SORCS3: variants seen among roughly 807,000 people sequenced by gnomAD.
The protein encoded by SORCS3 is sortilin related VPS10 domain containing receptor 3, also known as VPS10 domain-containing receptor SorCS3.
In SORCS3, 57 loss-of-function variants were observed where a neutral mutation model predicts 146.3. The observed-to-expected ratio is 0.39, with a 90% CI of 0.31 to 0.49. The LOEUF (loss-of-function observed/expected upper bound fraction) is 0.49, where lower values mean the gene tolerates loss of function less well. Among genes scored for constraint, SORCS3 ranks in the 20% least tolerant of loss-of-function variants. The pLI is 0.92. For missense variants in SORCS3, 1,341 were observed against 1,575.5 expected (o/e 0.85, Z 2.52); for synonymous variants, 653 against 618.5 (o/e 1.06, Z -0.83).
intron 9 of SORCS3, among the ~76,000 whole-genome samples, chr10:105,156,014 A>T (rs2056205552): frequency 6.6e-6 from 1 of 152,240 alleles, no homozygotes; most frequent in Non-Finnish European, 1.5e-5. Flanking sequence ...CAAAAAAATA[A>T]GCTCACTTCT....
rs372045954 is a variant in SORCS3, at chr10:104,717,012, A to G, written c.627+75058A>G. ...AGCCTTGAAAATGGCAGCATGGGCC[A>G]GGCACAGTGGCTCATGCCTGTAATT... On this transcript the variant is annotated intron_variant, in intron 1 of 26. Transcript: ENST00000369701. Among the ~76,000 whole-genome samples the G allele has an allele frequency of 7.2e-5, 11 of 152,236 alleles. No homozygotes were observed. In the East Asian group the frequency reaches 1.2e-3, roughly 16 times the overall value.
intron 2 of SORCS3, among the ~76,000 whole-genome samples, chr10:104,864,103 T>C: frequency 6.6e-6 from 1 of 152,198 alleles, no homozygotes; most frequent in Non-Finnish European, 1.5e-5. Context: ...TTAAACCTCC[T>C]GATGGCAAGA....
At chr10:104,724,964 C>T (rs2016605992) in intron 1 of SORCS3, among the ~76,000 whole-genome samples, 1 of 152,222 alleles carries the variant, frequency 6.6e-6, no homozygotes, top group Non-Finnish European at 1.5e-5. Context: ...CTGAAGCCTT[C>T]TTCTCTCAAC....
intron 4 of SORCS3, among the ~76,000 whole-genome samples, chr10:105,029,681 A>G (rs181115712): frequency 8.3e-4 from 126 of 152,134 alleles, no homozygotes; most frequent in African/African-American, 2.9e-3. Flanking sequence ...AGGCCAAGGT[A>G]CTCTTCTTTA....
At chr10:104,710,727 C>T (rs1199545080) in intron 1 of SORCS3, among the ~76,000 whole-genome samples, 1 of 151,590 alleles carries the variant, frequency 6.6e-6, no homozygotes, top group Non-Finnish European at 1.5e-5. Flanking sequence ...TGTAGTTGTC[C>T]ATTCTTGTGG....
At chr10:105,240,080 T>A (rs897541863) in intron 20 of SORCS3, among the ~76,000 whole-genome samples, 1 of 152,170 alleles carries the variant, frequency 6.6e-6, no homozygotes, top group East Asian at 1.9e-4. Flanking sequence ...GCACATACTC[T>A]CTTACTTCAG....
At chr10:104,679,825 C>T (rs368708600) in intron 1 of SORCS3, among the ~76,000 whole-genome samples, 2 of 152,214 alleles carry the variant, frequency 1.3e-5, no homozygotes, top group East Asian at 1.9e-4. Context: ...TTTTATATAG[C>T]CCACAGTGAT....
intron 4 of SORCS3, among the ~76,000 whole-genome samples, chr10:105,038,385 G>A (rs1419021144): frequency 6.6e-6 from 1 of 152,190 alleles, no homozygotes; most frequent in Non-Finnish European, 1.5e-5. Flanking sequence ...AACACTAACT[G>A]TGATAATTTC....
At chr10:105,217,262 C>T in intron 19 of SORCS3, 140 bp downstream of exon 19, 2 of 749,760 alleles carry the variant, frequency 2.7e-6, no homozygotes, top group Non-Finnish European at 2.2e-6. Flanking sequence ...GAGATATGTA[C>T]TCATCTGTGT....
At chr10:105,208,098 T>C (rs1462208529) in intron 16 of SORCS3, among the ~76,000 whole-genome samples, 1 of 152,128 alleles carries the variant, frequency 6.6e-6, no homozygotes, top group East Asian at 1.9e-4. Context: ...TCCCAGTACT[T>C]TGGGAGGCTG....
intron 1 of SORCS3, among the ~76,000 whole-genome samples, chr10:104,649,523 G>A (rs974479877): frequency 6.6e-6 from 1 of 152,208 alleles, no homozygotes; most frequent in African/African-American, 2.4e-5. Context: ...GAGGAAGGAG[G>A]CACTTGCTCA....
chr10:105,070,072 A>G (rs1190112094), intron 5 of SORCS3, among the ~76,000 whole-genome samples: 1 of 152,190 alleles, frequency 6.6e-6, no homozygotes, highest in African/African-American at 2.4e-5. Context: ...ACATGTACAT[A>G]TACTCCTTCT....
chr10:104,895,439 A>C (rs181262441), intron 2 of SORCS3, among the ~76,000 whole-genome samples: 1 of 152,274 alleles, frequency 6.6e-6, no homozygotes, highest in African/African-American at 2.4e-5. Flanking sequence ...ATGTCCCACT[A>C]ACAACAGGGA....
At chr10:104,764,305 C>T (rs1205522845) in intron 1 of SORCS3, among the ~76,000 whole-genome samples, 4 of 152,058 alleles carry the variant, frequency 2.6e-5, no homozygotes, top group Non-Finnish European at 2.9e-5. Flanking sequence ...TCTGATGAAG[C>T]GGTCTGAGGT....
rs1277044522 is a variant in SORCS3 at position 105,249,452 on chromosome 10, A to T, written c.3105+2121A>T. 2.0e-5 allele frequency among the ~76,000 whole-genome samples: 3 copies of T among 152,312 alleles called. No individual in the cohort carries two copies. The East Asian group carries it at 5.8e-4, about 29-fold the overall frequency. On this transcript the variant is annotated intron_variant, in intron 22 of 26. Transcript: ENST00000369701. Reference sequence around the variant, plus strand: ...CAAGGCAGAGGAGAAAGATCCAGGAAGGACATGGAGAAGGAGCTGACAGAT... The same window carrying T: ...CAAGGCAGAGGAGAAAGATCCAGGATGGACATGGAGAAGGAGCTGACAGAT...
At chr10:104,888,172 G>A (rs1589537056) in intron 2 of SORCS3, among the ~76,000 whole-genome samples, 2 of 152,136 alleles carry the variant, frequency 1.3e-5, no homozygotes, top group African/African-American at 4.8e-5. Context: ...TTACTTTTTA[G>A]AGTCTCATAC....
At chr10:104,881,679 G>A (rs1381503192) in intron 2 of SORCS3, among the ~76,000 whole-genome samples, 1 of 152,168 alleles carries the variant, frequency 6.6e-6, no homozygotes, top group African/African-American at 2.4e-5. Flanking sequence ...CACATGGGCA[G>A]CTATAAAGGC....
chr10:104,840,266 G>A (rs891384043), intron 1 of SORCS3, among the ~76,000 whole-genome samples: 48 of 152,174 alleles, frequency 3.2e-4, no homozygotes, highest in African/African-American at 1.1e-3. Context: ...CAGAACGCCT[G>A]CGTCTTTGCT....
chr10:104,905,947 A>G (rs1269882252), intron 2 of SORCS3, among the ~76,000 whole-genome samples: 1 of 152,150 alleles, frequency 6.6e-6, no homozygotes, highest in Non-Finnish European at 1.5e-5. Flanking sequence ...AGAAAAGGAA[A>G]ATATTTAAAG....
Sources: gnomAD v4.1 joint callset for allele counts (sites outside exome capture counted in the v4.1 genomes callset) on GRCh38, gnomAD v4.1.1 for gene constraint, MANE v1.5 for transcripts, NCBI Gene and HGNC (gene_info 2026-07-23, HGNC 2026-07-21) for gene names.